CYTH1: variants seen among roughly 807,000 people sequenced by gnomAD.
The protein encoded by CYTH1 is cytohesin 1, also known as cytohesin-1.
CYTH1 carries 18 observed loss-of-function variants against 61.8 expected under a neutral mutation model. The observed-to-expected ratio is 0.29, with a 90% CI of 0.20 to 0.43. The LOEUF is 0.43. Ranked by LOEUF, CYTH1 falls within the 20% of genes least tolerant of loss-of-function variation. CYTH1 has a pLI of 1.00. For missense variants in CYTH1, 336 were observed against 510.5 expected (o/e 0.66, Z 3.29); for synonymous variants, 174 against 184.3 (o/e 0.94, Z 0.45).
intron 1 of CYTH1, among the ~76,000 whole-genome samples, chr17:78,712,171 AGGG>A (rs1192373445): frequency 6.4e-5 from 5 of 78,672 alleles, no homozygotes; most frequent in Non-Finnish European, 9.8e-5. Context: ...GGAGGGAGGG[AGGG>A]AGGGAGGTAG....
At chr17:78,770,879 G>C (rs1330917056) in intron 1 of CYTH1, among the ~76,000 whole-genome samples, 1 of 152,188 alleles carries the variant, frequency 6.6e-6, no homozygotes, top group East Asian at 1.9e-4. Flanking sequence ...TGTAATCCCA[G>C]CAGTTTGGGA....
intron 1 of CYTH1, among the ~76,000 whole-genome samples, chr17:78,775,255 G>C (rs1283175347): frequency 6.6e-6 from 1 of 152,212 alleles, no homozygotes; most frequent in Non-Finnish European, 1.5e-5. Flanking sequence ...GGGGGTTAGG[G>C]GAAGAGGAGA....
Position 78,676,102 on chromosome 17 carries a change from T to C in CYTH1, c.1186A>G (p.Lys396Glu). ...CCTTGGCTGCACGCTCAGTGTCGCT[T>C]CGTGGAGGAGACCTTCTTTTTCCGT... Reference protein sequence around the residue: ...AARKKKVSSTKRH With the variant: ...AARKKKVSSTERH Residue 396 changes from lysine to glutamate, a missense_variant, in exon 14 of 14, where the codon AAG becomes GAG. This residue lies in a region of CYTH1 where 83 missense variants were observed against 115.6 expected (regional missense o/e 0.72). Transcript: ENST00000446868. 1.2e-6 allele frequency: 2 copies of C among 1,609,578 alleles called. No homozygotes were observed. Among genetic ancestry groups the C allele is most frequent in the Non-Finnish European group, 1.7e-6 (2 of 1,178,234 alleles).
chr17:78,684,186 C>T (rs1228404436), intron 11 of CYTH1, among the ~76,000 whole-genome samples: 1 of 152,184 alleles, frequency 6.6e-6, no homozygotes, highest in African/African-American at 2.4e-5. Flanking sequence ...CTCCATCCTG[C>T]AGAGCGTGGC....
At chr17:78,739,261 C>A (rs1289816377) in intron 1 of CYTH1, among the ~76,000 whole-genome samples, 3 of 152,162 alleles carry the variant, frequency 2.0e-5, no homozygotes, top group African/African-American at 7.2e-5. Flanking sequence ...TTTGTCTTAT[C>A]TGTTTCGTTC....
At chr17:78,698,157 G>C (rs751673285) in intron 9 of CYTH1, 112 bp downstream of exon 9, 8 of 880,348 alleles carry the variant, frequency 9.1e-6, no homozygotes, top group Non-Finnish European at 1.5e-5. Flanking sequence ...GCGCACACAT[G>C]CACACGCACA....
intron 9 of CYTH1, 96 bp downstream of exon 9, chr17:78,698,173 G>A (rs2092964193): frequency 6.9e-6 from 7 of 1,007,546 alleles, no homozygotes; most frequent in East Asian, 4.8e-5. Context: ...GCACAAACAC[G>A]CACACGCGCA....
intron 1 of CYTH1, among the ~76,000 whole-genome samples, chr17:78,740,752 C>A (rs911333344): frequency 3.3e-5 from 5 of 152,204 alleles, no homozygotes; most frequent in African/African-American, 4.8e-5. Context: ...CAAATGGGTA[C>A]TATTAATAAT....
intron 1 of CYTH1, among the ~76,000 whole-genome samples, chr17:78,764,602 A>T (rs780771251): frequency 1.3e-5 from 2 of 152,232 alleles, no homozygotes; most frequent in Non-Finnish European, 2.9e-5. Context: ...AGGCTTATAT[A>T]TAAACCCCAA....
At chr17:78,679,131 G>T (rs530068767) in intron 13 of CYTH1, among the ~76,000 whole-genome samples, 2 of 152,318 alleles carry the variant, frequency 1.3e-5, no homozygotes, top group African/African-American at 4.8e-5. Flanking sequence ...AGAGGATATT[G>T]CACACCCTCG....
intron 1 of CYTH1, among the ~76,000 whole-genome samples, chr17:78,762,695 G>A (rs1251777710): frequency 6.6e-6 from 1 of 152,140 alleles, no homozygotes; most frequent in Non-Finnish European, 1.5e-5. Context: ...TCTTCCAAAT[G>A]GAAGAGGGAG....
At chr17:78,740,124 C>A (rs577621479) in intron 1 of CYTH1, among the ~76,000 whole-genome samples, 2 of 152,084 alleles carry the variant, frequency 1.3e-5, no homozygotes, top group African/African-American at 4.8e-5. Context: ...TTAGTAGAGG[C>A]GGGGTTTCAC....
In CYTH1 at chr17:78,700,923, C is replaced by T. The variant is rs897287233; in HGVS notation, c.438-480G>A. Among the ~76,000 whole-genome samples, 3 of 152,188 alleles carry T rather than the reference C, an allele frequency of 2.0e-5. No individual in the cohort carries two copies. The highest frequency in any genetic ancestry group is 7.2e-5 in the African/African-American group (3 of 41,432). On this transcript the variant is annotated intron_variant, in intron 6 of 13. Coordinates refer to ENST00000446868, the MANE Select transcript of CYTH1 (RefSeq NM_004762.6). The surrounding 1 kb of genome is among the most constrained non-coding windows in gnomAD (Gnocchi z 5.1). ...TGAACAGATGCAAAGTTGCCATCCA[C>T]ACCACTGTTACCTTAATCAAAAGTA...
chr17:78,764,009 G>A (rs1334846273), intron 1 of CYTH1, among the ~76,000 whole-genome samples: 1 of 152,020 alleles, frequency 6.6e-6, no homozygotes, highest in Non-Finnish European at 1.5e-5. Flanking sequence ...TACTCGGGAG[G>A]CTCAGGCAGG....
intron 2 of CYTH1, 163 bp downstream of exon 2, chr17:78,709,487 G>C: frequency 1.5e-6 from 1 of 651,932 alleles, no homozygotes; most frequent in Admixed American, 2.9e-5. Flanking sequence ...CTCAGCTGTA[G>C]AGGAAAGGTG....
At chr17:78,744,845 CAA>C (rs3038702) in intron 1 of CYTH1, among the ~76,000 whole-genome samples, 32 of 98,084 alleles carry the variant, frequency 3.3e-4, no homozygotes, top group South Asian at 9.2e-4. Flanking sequence ...GATTAGATGT[CAA>C]AAAAAAAAAA....
chr17:78,769,637 A>G (rs954629982), intron 1 of CYTH1, among the ~76,000 whole-genome samples: 11 of 152,160 alleles, frequency 7.2e-5, no homozygotes, highest in African/African-American at 2.4e-4. Flanking sequence ...TCTAGACTCA[A>G]AGCATCGGTG....
chr17:78,691,673 G>C (rs1488117759), intron 11 of CYTH1: 2 of 152,160 alleles, frequency 1.3e-5, no homozygotes, highest in Non-Finnish European at 2.9e-5. Flanking sequence ...ACCAAGAAAG[G>C]TGGCAGAAAT....
At chr17:78,739,443 G>C (rs2093333598) in intron 1 of CYTH1, among the ~76,000 whole-genome samples, 1 of 152,210 alleles carries the variant, frequency 6.6e-6, no homozygotes, top group African/African-American at 2.4e-5. Flanking sequence ...TGGGGGAAGT[G>C]GAAGTGCAGT....
Sources: gnomAD v4.1 joint callset for allele counts (sites outside exome capture counted in the v4.1 genomes callset) on GRCh38, gnomAD v4.1.1 for gene constraint, gnomAD v4.1.1 regional missense constraint, Gnocchi (gnomAD v3.1) non-coding constraint, MANE v1.5 for transcripts, NCBI Gene and HGNC (gene_info 2026-07-23, HGNC 2026-07-21) for gene names.